The following XKR9 variants were observed in gnomAD, a reference collection of about 807,000 sequenced individuals.
XKR9 encodes XK related 9.
In XKR9, 32 loss-of-function variants were observed where a neutral mutation model predicts 32.0. The observed-to-expected ratio is 1.00, with a 90% CI of 0.76 to 1.34. The LOEUF (loss-of-function observed/expected upper bound fraction) is 1.34, where lower values mean the gene tolerates loss of function less well. XKR9 is among the 40% of genes most tolerant of loss of function. XKR9 has a pLI of 0.00. For missense variants in XKR9, 546 were observed against 429.7 expected (o/e 1.27, Z -2.39); for synonymous variants, 168 against 143.4 (o/e 1.17, Z -1.22).
downstream of XKR9, among the ~76,000 whole-genome samples, chr8:70,740,769 T>G (rs574729206): frequency 6.6e-6 from 1 of 152,348 alleles, no homozygotes; most frequent in East Asian, 1.9e-4. Context: ...CAGCGGTGGC[T>G]GCAGAACAGT....
chr8:70,844,387 C>T, the XKR9 span, among the ~76,000 whole-genome samples: 3 of 152,206 alleles, frequency 2.0e-5, no homozygotes, highest in Admixed American at 6.5e-5. Flanking sequence ...CTCCCTAACC[C>T]AAGAGCCTGA....
chr8:71,064,837 T>C, the XKR9 span, among the ~76,000 whole-genome samples: 1 of 152,204 alleles, frequency 6.6e-6, no homozygotes, highest in African/African-American at 2.4e-5. Flanking sequence ...AGAAGGTCTC[T>C]CTAAGGACTT....
At chr8:70,969,664 G>A in the XKR9 span, among the ~76,000 whole-genome samples, 9 of 152,158 alleles carry the variant, frequency 5.9e-5, no homozygotes, top group South Asian at 1.9e-3. Context: ...ACTACATCTG[G>A]CATTACAGTA....
At chr8:70,941,866 T>G in the XKR9 span, among the ~76,000 whole-genome samples, 8 of 152,266 alleles carry the variant, frequency 5.3e-5, no homozygotes, top group African/African-American at 1.9e-4. Context: ...AGTATACATA[T>G]TTGTTCCATA....
chr8:70,909,330 C>G, the XKR9 span, among the ~76,000 whole-genome samples: 3 of 152,062 alleles, frequency 2.0e-5, no homozygotes, highest in African/African-American at 7.2e-5. Context: ...TCATATTGGT[C>G]CCCCTGTCTG....
At chr8:70,794,494 T>C (rs1384400387), downstream of XKR9, among the ~76,000 whole-genome samples, 1 of 152,164 alleles carries the variant, frequency 6.6e-6, no homozygotes, top group Non-Finnish European at 1.5e-5. Context: ...AGGTTTTTCA[T>C]ATGACCTTTA....
chr8:70,746,735 C>T (rs1307992978), intron 2 of XKR9, among the ~76,000 whole-genome samples: 2 of 151,380 alleles, frequency 1.3e-5, no homozygotes, highest in Non-Finnish European at 2.9e-5. Context: ...CATGCTTAAA[C>T]TTAATCCCCA....
intron 3 of XKR9, among the ~76,000 whole-genome samples, chr8:70,684,930 A>G (rs1819209930): frequency 6.8e-6 from 1 of 147,538 alleles, no homozygotes; most frequent in Non-Finnish European, 1.5e-5. Flanking sequence ...TGTGGAAGTC[A>G]GTGTGGCGAT....
chr8:70,831,751 C>G, the XKR9 span, among the ~76,000 whole-genome samples: 1 of 152,246 alleles, frequency 6.6e-6, no homozygotes. Flanking sequence ...ATTCTCAAAA[C>G]AGTGTATGAG....
the XKR9 span, among the ~76,000 whole-genome samples, chr8:70,865,166 T>C: frequency 6.6e-6 from 1 of 152,084 alleles, no homozygotes; most frequent in East Asian, 1.9e-4. Context: ...TAGTGAAGAG[T>C]TTACTTAAAT....
the XKR9 span, among the ~76,000 whole-genome samples, chr8:71,035,629 G>A: frequency 6.6e-6 from 1 of 152,094 alleles, no homozygotes; most frequent in African/African-American, 2.4e-5. Context: ...TTGACAGTGG[G>A]GTAGACACAA....
At chr8:70,819,552 C>A in the XKR9 span, among the ~76,000 whole-genome samples, 1 of 152,172 alleles carries the variant, frequency 6.6e-6, no homozygotes, top group Non-Finnish European at 1.5e-5. Context: ...CATCACTTAA[C>A]AATTTGAGGA....
chr8:70,673,243 C>G lies in XKR9; in HGVS notation c.-360-1575C>G, dbSNP rs1208692568. Among the ~76,000 whole-genome samples the G allele has an allele frequency of 5.3e-5, 8 of 152,172 alleles. No individual in the cohort carries two copies. The East Asian group carries it at 1.3e-3, about 26-fold the overall frequency. ...GTTGGCTTTTGCATATGATGAGAGA[C>G]AAGGTCCAGCTTCATTAGCTTTTTT... On this transcript the variant is annotated intron_variant, in intron 1 of 4. Transcript: ENST00000408926.
At chr8:71,025,915 C>T in the XKR9 span, among the ~76,000 whole-genome samples, 1 of 152,116 alleles carries the variant, frequency 6.6e-6, no homozygotes, top group Non-Finnish European at 1.5e-5. Flanking sequence ...CATTTCATTC[C>T]ATATCCTACA....
chr8:71,053,877 T>C, the XKR9 span, among the ~76,000 whole-genome samples: 1 of 152,230 alleles, frequency 6.6e-6, no homozygotes, highest in African/African-American at 2.4e-5. Flanking sequence ...CTTAGAACAC[T>C]AGCTCTGAGT....
At chr8:70,971,461 G>A in the XKR9 span, among the ~76,000 whole-genome samples, 1 of 152,062 alleles carries the variant, frequency 6.6e-6, no homozygotes, top group South Asian at 2.1e-4. Context: ...AAAGTTTTCA[G>A]TTGAATTAAG....
At chr8:70,825,624 A>T in the XKR9 span, among the ~76,000 whole-genome samples, 1 of 152,090 alleles carries the variant, frequency 6.6e-6, no homozygotes, top group East Asian at 1.9e-4. Context: ...TCTTGTAGTT[A>T]TTTCATGGGA....
intron 1 of XKR9, among the ~76,000 whole-genome samples, chr8:70,670,326 G>T (rs947477737): frequency 6.6e-6 from 1 of 152,046 alleles, no homozygotes. Context: ...GTAACAAGTC[G>T]GTTTCTTATC....
chr8:70,837,280 A>T, the XKR9 span, among the ~76,000 whole-genome samples: 2 of 152,100 alleles, frequency 1.3e-5, no homozygotes, highest in Non-Finnish European at 2.9e-5. Context: ...GGCTTAGAGG[A>T]GACAGCAAGT....
Sources: gnomAD v4.1 joint callset for allele counts (sites outside exome capture counted in the v4.1 genomes callset) on GRCh38, gnomAD v4.1.1 for gene constraint, MANE v1.5 for transcripts, NCBI Gene and HGNC (gene_info 2026-07-23, HGNC 2026-07-21) for gene names.